PITPNM2: variants seen among roughly 807,000 people sequenced by gnomAD.
PITPNM2 encodes the protein membrane-associated phosphatidylinositol transfer protein 2.
In PITPNM2, 35 loss-of-function variants were observed where a neutral mutation model predicts 132.2. The ratio of observed to expected loss-of-function variants is 0.26; its 90% CI spans 0.20 to 0.35. The LOEUF (loss-of-function observed/expected upper bound fraction) is 0.35, where lower values mean the gene tolerates loss of function less well. Ranked by LOEUF, PITPNM2 falls within the 10% of genes least tolerant of loss-of-function variation. The pLI, the probability that PITPNM2 is intolerant of heterozygous loss-of-function variation, is 1.00. For missense variants in PITPNM2, 1,332 were observed against 1,912.0 expected (o/e 0.70, Z 5.66); for synonymous variants, 738 against 799.2 (o/e 0.92, Z 1.29).
chr12:123,018,453 CCTGA>C (rs1035619153), intron 3 of PITPNM2, among the ~76,000 whole-genome samples: 11 of 151,770 alleles, frequency 7.2e-5, no homozygotes, highest in African/African-American at 2.4e-4. Context: ...CACCACCATG[CCTGA>C]CTAATTTTTG....
chr12:123,033,103 A>T (rs1259925614), intron 3 of PITPNM2, among the ~76,000 whole-genome samples: 2 of 152,220 alleles, frequency 1.3e-5, no homozygotes, highest in African/African-American at 2.4e-5. Context: ...CCTTTCCCCC[A>T]CACCAACGAC....
At chr12:123,086,601 G>A (rs2042119489) in intron 2 of PITPNM2, among the ~76,000 whole-genome samples, 1 of 152,198 alleles carries the variant, frequency 6.6e-6, no homozygotes, top group African/African-American at 2.4e-5. Flanking sequence ...TTAACTGATT[G>A]AATCTTTTTG....
At chr12:122,995,034 CA>C (rs2038363920) in intron 14 of PITPNM2, 55 bp from the exon 15 acceptor site, 7 of 1,494,996 alleles carry the variant, frequency 4.7e-6, no homozygotes, top group Non-Finnish European at 6.3e-6. Flanking sequence ...CATCATCTGC[CA>C]CGACACTGCT....
At chr12:122,989,651 G>T in intron 18 of PITPNM2, 136 bp downstream of exon 18, 1 of 847,164 alleles carries the variant, frequency 1.2e-6, no homozygotes, top group Non-Finnish European at 1.6e-6. Context: ...CTCCTCCCTA[G>T]ATGGCCAAGT....
At chr12:123,121,024 T>C (rs1178292153) in intron 1 of PITPNM2, among the ~76,000 whole-genome samples, 1 of 152,060 alleles carries the variant, frequency 6.6e-6, no homozygotes, top group Non-Finnish European at 1.5e-5. Flanking sequence ...GAGAATAGAA[T>C]CTTCTCAGAA....
chr12:123,012,788 C>G, intron 4 of PITPNM2, 54 bp from the exon 5 acceptor site: 1 of 1,599,190 alleles, frequency 6.3e-7, no homozygotes, highest in Admixed American at 1.7e-5. Flanking sequence ...GGCCCAGTGT[C>G]CTGGCCAGGG....
Position 122,984,993 on chromosome 12 carries a change from G to A in PITPNM2, c.*1034C>T, listed in dbSNP as rs1239711433. The A allele has an allele frequency of 1.3e-5, 2 of 152,350 alleles. No individual in the cohort carries two copies. The highest frequency in any genetic ancestry group is 2.9e-5 in the Non-Finnish European group (2 of 68,030). The allele number at this position is 152,350 out of a possible 1,614,324, so 9.4% of individuals were successfully genotyped here. On this transcript the variant is annotated 3_prime_UTR_variant, in exon 26 of 26. Transcript: ENST00000320201. The stretch of plus-strand genomic sequence containing the variant: ...AAACGGAATTGGCATTAAAAAAACC[G>A]AAGTGTGTGCCCCACCCACCCCAGA...
chr12:123,101,490 A>G (rs1489930286), intron 2 of PITPNM2, among the ~76,000 whole-genome samples: 1 of 152,206 alleles, frequency 6.6e-6, no homozygotes, highest in Non-Finnish European at 1.5e-5. Context: ...GGAATAAGGG[A>G]CCAATAGTAA....
chr12:123,109,168 T>G (rs1462183286), intron 2 of PITPNM2, among the ~76,000 whole-genome samples: 5 of 152,194 alleles, frequency 3.3e-5, no homozygotes, highest in African/African-American at 1.2e-4. Flanking sequence ...TAGCTTCCCT[T>G]GATGGAACAT....
chr12:123,013,370 C>T (rs2039292116), intron 4 of PITPNM2, among the ~76,000 whole-genome samples: 1 of 152,194 alleles, frequency 6.6e-6, no homozygotes. Flanking sequence ...CAGGGAATCC[C>T]AAGGACAGCC....
intron 2 of PITPNM2, among the ~76,000 whole-genome samples, chr12:123,093,371 G>A (rs2042320518): frequency 6.6e-6 from 1 of 152,098 alleles, no homozygotes; most frequent in Non-Finnish European, 1.5e-5. Flanking sequence ...ACAACTCTGT[G>A]AACATACTAG....
At position 122,993,119 on chromosome 12, in the gene PITPNM2, G is replaced by A. The variant is rs1305388563; in HGVS notation, c.2234-450C>T. Among the ~76,000 whole-genome samples the A allele has an allele frequency of 1.3e-5, 2 of 152,070 alleles. No homozygotes were observed. Among genetic ancestry groups the A allele is most frequent in the Admixed American group, 6.5e-5 (1 of 15,270 alleles). On this transcript the variant is annotated intron_variant, in intron 15 of 25. Coordinates refer to ENST00000320201, the MANE Select transcript of PITPNM2 (RefSeq NM_020845.3). This position sits in a 1 kb window ranked among gnomAD's most constrained non-coding sequence, Gnocchi z 5.2. ...TGGGATTACAGGCGTGAGCCACCAC[G>A]CCTGACCTCTAATTTTTTTTCATTG...
At chr12:123,071,862 C>A (rs1056748816) in intron 2 of PITPNM2, among the ~76,000 whole-genome samples, 2 of 152,298 alleles carry the variant, frequency 1.3e-5, no homozygotes, top group Admixed American at 1.3e-4. Flanking sequence ...TATATGACTA[C>A]CAAGTTTTGC....
Position 123,036,680 on chromosome 12 carries a change from G to T in PITPNM2, c.-95-1995C>A, listed in dbSNP as rs1028134501. On this transcript the variant is annotated intron_variant, in intron 2 of 25. Coordinates refer to ENST00000320201, the MANE Select transcript of PITPNM2 (RefSeq NM_020845.3). This position sits in a 1 kb window ranked among gnomAD's most constrained non-coding sequence, Gnocchi z 4.1. The stretch of plus-strand genomic sequence containing the variant: ...TAACCCTGGATCCCAGACCCCAACT[G>T]CCCCTTGGAGGTCTCTGACCCAGAC... 1.9e-4 allele frequency among the ~76,000 whole-genome samples: 29 copies of T among 152,166 alleles called. No homozygotes were observed. The highest frequency in any genetic ancestry group is 1.8e-3 in the Admixed American group (27 of 15,284).
At position 123,150,529 on chromosome 12, in the gene PITPNM2, G is replaced by A. The variant is rs2043711454; in HGVS notation, c.-200+224C>T. Among the ~76,000 whole-genome samples the A allele has an allele frequency of 6.6e-6, 1 of 152,030 alleles. No homozygotes were observed. The highest frequency in any genetic ancestry group is 2.1e-4 in the South Asian group (1 of 4,828). ...GGATCCAGGGCCGGCGACTCACTGA[G>A]GCCAGGCTCGGGCGGTCTCCCGAGC... On this transcript the variant is annotated intron_variant, in intron 1 of 25. Coordinates refer to ENST00000320201, the MANE Select transcript of PITPNM2 (RefSeq NM_020845.3). The surrounding 1 kb of genome is among the most constrained non-coding windows in gnomAD (Gnocchi z 6.0).
At chr12:123,048,702 G>A (rs1410452530) in intron 2 of PITPNM2, among the ~76,000 whole-genome samples, 1 of 152,174 alleles carries the variant, frequency 6.6e-6, no homozygotes, top group African/African-American at 2.4e-5. Flanking sequence ...GTGAGCCACC[G>A]CGCCCGGCTG....
chr12:123,094,150 G>T (rs1431421493), intron 2 of PITPNM2, among the ~76,000 whole-genome samples: 1 of 152,254 alleles, frequency 6.6e-6, no homozygotes, highest in African/African-American at 2.4e-5. Context: ...GGCACTGCTG[G>T]CTTGGCCAAC....
intron 2 of PITPNM2, among the ~76,000 whole-genome samples, chr12:123,041,941 A>AC (rs1309196963): frequency 6.6e-6 from 1 of 151,380 alleles, no homozygotes; most frequent in Non-Finnish European, 1.5e-5. Flanking sequence ...CCTAGAAAGA[A>AC]CCCCCAGCCC....
intron 3 of PITPNM2, among the ~76,000 whole-genome samples, chr12:123,024,084 T>C (rs2136348660): frequency 6.6e-6 from 1 of 151,948 alleles, no homozygotes; most frequent in South Asian, 2.1e-4. Flanking sequence ...CAAGACCCCA[T>C]CTCTAAAAAA....
Sources: gnomAD v4.1 joint callset for allele counts (sites outside exome capture counted in the v4.1 genomes callset) on GRCh38, gnomAD v4.1.1 for gene constraint, Gnocchi (gnomAD v3.1) non-coding constraint, MANE v1.5 for transcripts, NCBI Gene and HGNC (gene_info 2026-07-23, HGNC 2026-07-21) for gene names.